Variants in ALMS1 observed in about 807,000 individuals in gnomAD.
ALMS1 encodes the protein ALMS1 centrosome and basal body associated protein.
A neutral mutation model predicts 352.2 loss-of-function variants in ALMS1; 271 were observed. The observed-to-expected ratio is 0.77, with a 90% CI of 0.70 to 0.85. ALMS1 has a LOEUF of 0.85. Among genes scored for constraint, ALMS1 ranks in the 40% least tolerant of loss-of-function variants. The pLI, the probability that ALMS1 is intolerant of heterozygous loss-of-function variation, is 0.00. For missense variants in ALMS1, 5,445 were observed against 4,870.7 expected, an observed-to-expected ratio of 1.12 and a Z score of -3.51; for synonymous variants, 1,865 against 1,761.2, an observed-to-expected ratio of 1.06 and a Z score of -1.48.
At chr2:73,438,415 T>G (rs1671648546) in intron 7 of ALMS1, among the ~76,000 whole-genome samples, 1 of 152,182 alleles carries the variant, frequency 6.6e-6, no homozygotes, top group Admixed American at 6.5e-5. Context: ...ATAGTTTAGA[T>G]TACAAGATAA....
chr2:73,513,786 C>G (rs959784935), intron 10 of ALMS1, among the ~76,000 whole-genome samples: 1 of 152,048 alleles, frequency 6.6e-6, no homozygotes, highest in African/African-American at 2.4e-5. Flanking sequence ...TTATTGCACA[C>G]TAAGCCACAC....
intron 9 of ALMS1, among the ~76,000 whole-genome samples, chr2:73,482,540 T>G (rs551934773): frequency 6.6e-6 from 1 of 152,078 alleles, no homozygotes; most frequent in Non-Finnish European, 1.5e-5. Context: ...TAAAATTCTC[T>G]TTTTTTGTTG....
At chr2:73,583,196 CTT>C (rs145512133) in intron 16 of ALMS1, among the ~76,000 whole-genome samples, 61 of 143,746 alleles carry the variant, frequency 4.2e-4, no homozygotes, top group African/African-American at 5.3e-4. Context: ...TCCACTTTTA[CTT>C]TTTTTTTTTT....
At position 73,491,194 on chromosome 2, in the gene ALMS1, A is replaced by T. The variant is rs767356931; in HGVS notation, c.9235A>T (p.Met3079Leu). The T allele has an allele frequency of 9.3e-6, 15 of 1,614,172 alleles. No homozygotes were observed. The highest frequency in any genetic ancestry group is 1.3e-5 in the African/African-American group (1 of 75,062). ...HSLDAASKAR[M>L]NSEFNFDLHT... ...ATTGGATGCTGCTTCTAAAGCGAGG[A>T]TGAATAGTGAGTTTAACTTTGACTT... The change falls in exon 10 of 23, where the codon ATG becomes TTG. Residue 3079 changes from methionine (M) to leucine (L), a missense_variant. Coordinates refer to ENST00000613296, the MANE Select transcript of ALMS1 (RefSeq NM_001378454.1).
At chr2:73,404,279 T>C (rs574105765) in intron 1 of ALMS1, among the ~76,000 whole-genome samples, 4 of 152,312 alleles carry the variant, frequency 2.6e-5, no homozygotes, top group East Asian at 1.9e-4. Context: ...ATATTTCTTT[T>C]TCTTGCCTAA....
chr2:73,462,543 A>C (rs535873708), intron 9 of ALMS1, among the ~76,000 whole-genome samples: 1 of 152,386 alleles, frequency 6.6e-6, no homozygotes, highest in Admixed American at 6.5e-5. Flanking sequence ...AAGAAACTGC[A>C]TCAACTAATG....
intron 9 of ALMS1, among the ~76,000 whole-genome samples, chr2:73,476,206 G>A (rs1444187568): frequency 1.3e-5 from 2 of 152,036 alleles, no homozygotes; most frequent in East Asian, 3.9e-4. Flanking sequence ...ATTCACCCAT[G>A]TTGTACTATA....
chr2:73,560,178 A>G (rs966051359), intron 15 of ALMS1, among the ~76,000 whole-genome samples: 1 of 152,236 alleles, frequency 6.6e-6, no homozygotes, highest in African/African-American at 2.4e-5. Flanking sequence ...ATGCAACTCA[A>G]TAGCAAGAAA....
Position 73,424,594 on chromosome 2 carries a change from GC to G in ALMS1, c.932del (p.Pro311LeufsTer20). 3.7e-6 allele frequency: 6 copies of G among 1,613,932 alleles called. No individual in the cohort carries two copies. Among genetic ancestry groups the G allele is most frequent in the Non-Finnish European group, 4.2e-6 (5 of 1,179,988 alleles). On this transcript the variant is annotated frameshift_variant, in exon 5 of 23. Transcript: ENST00000613296. LOFTEE classifies it high-confidence loss of function. Reference protein sequence around the residue: ...LIGSTAVGSQCPFLPSEQGNN... With the variant: ...LIGSTAVGSQXPFLPSEQGNN... ...GGCAGCACAGCTGTTGGGTCTCAGT[GC>G]CCTTTTTTACCTTCTGAACAAGGGA...
intron 10 of ALMS1, among the ~76,000 whole-genome samples, chr2:73,507,715 C>T (rs926756397): frequency 1.3e-5 from 2 of 151,994 alleles, no homozygotes; most frequent in African/African-American, 2.4e-5. Flanking sequence ...TTAATCTTTT[C>T]GAAAAACCAG....
At chr2:73,581,162 C>A (rs1045296409) in intron 16 of ALMS1, among the ~76,000 whole-genome samples, 6 of 152,146 alleles carry the variant, frequency 3.9e-5, no homozygotes, top group African/African-American at 1.4e-4. Flanking sequence ...GTTTTTCTTT[C>A]CTGCTTTTAG....
At chr2:73,580,712 C>T (rs918140279) in intron 16 of ALMS1, among the ~76,000 whole-genome samples, 4 of 152,168 alleles carry the variant, frequency 2.6e-5, no homozygotes, top group African/African-American at 9.7e-5. Flanking sequence ...TCCTCCCCTT[C>T]TCTAGGGTTT....
chr2:73,489,542 A>G (rs1034057912), intron 9 of ALMS1, 92 bp from the exon 10 acceptor site: 4 of 1,421,018 alleles, frequency 2.8e-6, no homozygotes, highest in African/African-American at 1.4e-5. Context: ...GTCTAATCTT[A>G]GCGTGGGTAT....
At chr2:73,484,305 A>C (rs967400496) in intron 9 of ALMS1, among the ~76,000 whole-genome samples, 2 of 151,268 alleles carry the variant, frequency 1.3e-5, no homozygotes, top group Non-Finnish European at 2.9e-5. Flanking sequence ...CTTGTCTGTA[A>C]AGGATTTTAT....
rs78455120 is a variant in ALMS1, at chr2:73,497,938, A to G, written c.9539+6440A>G. Reference sequence around the variant, plus strand: ...GGGTTTGCTGAGTTTTTTTAAGCCTATAGGTTTACAGGCATACCTCAGATA... The same window carrying G: ...GGGTTTGCTGAGTTTTTTTAAGCCTGTAGGTTTACAGGCATACCTCAGATA... On this transcript the variant is annotated intron_variant, in intron 10 of 22. Coordinates refer to ENST00000613296, the MANE Select transcript of ALMS1 (RefSeq NM_001378454.1). Among the ~76,000 whole-genome samples the G allele has an allele frequency of 9.9e-3, 1,498 of 151,776 alleles. 28 individuals are homozygous for G. The highest frequency in any genetic ancestry group is 0.034 in the African/African-American group (1,405 of 41,402).
chr2:73,548,676 A>G (rs1353315869), intron 12 of ALMS1, among the ~76,000 whole-genome samples: 4 of 152,250 alleles, frequency 2.6e-5, no homozygotes, highest in Non-Finnish European at 5.9e-5. Context: ...TGATTTGAAG[A>G]AGACACATCT....
chr2:73,445,698 T>A (rs567546235), intron 7 of ALMS1, among the ~76,000 whole-genome samples: 2 of 152,094 alleles, frequency 1.3e-5, no homozygotes, highest in Non-Finnish European at 2.9e-5. Flanking sequence ...AGTTCTTGAG[T>A]AAATTGTACC....
At chr2:73,524,509 A>G (rs1235517683) in intron 11 of ALMS1, among the ~76,000 whole-genome samples, 5 of 151,966 alleles carry the variant, frequency 3.3e-5, no homozygotes, top group African/African-American at 1.2e-4. Context: ...AGGCTGGAGT[A>G]CAGTGGCATG....
At chr2:73,506,561 A>G (rs185571381) in intron 10 of ALMS1, among the ~76,000 whole-genome samples, 24 of 152,148 alleles carry the variant, frequency 1.6e-4, no homozygotes, top group Admixed American at 9.8e-4. Flanking sequence ...TGTGAATGGG[A>G]GTTTGCTCGT....
Sources: gnomAD v4.1 joint callset for allele counts (sites outside exome capture counted in the v4.1 genomes callset) on GRCh38, gnomAD v4.1.1 for gene constraint, MANE v1.5 for transcripts, NCBI Gene and HGNC (gene_info 2026-07-23, HGNC 2026-07-21) for gene names.